Variants in THSD7B observed in about 807,000 individuals in gnomAD.
THSD7B encodes the protein thrombospondin type-1 domain-containing protein 7B.
THSD7B carries 138 observed loss-of-function variants against 213.6 expected under a neutral mutation model. The ratio of observed to expected loss-of-function variants is 0.65; its 90% CI spans 0.56 to 0.74. The LOEUF is 0.74. Among genes scored for constraint, THSD7B ranks in the 30% least tolerant of loss-of-function variants. The pLI, the probability that THSD7B is intolerant of heterozygous loss-of-function variation, is 0.00. For synonymous variants in THSD7B, 742 were observed against 687.0 expected (o/e 1.08, Z -1.25); for missense variants, 1,931 against 1,991.5 (o/e 0.97, Z 0.58).
intron 20 of THSD7B, among the ~76,000 whole-genome samples, chr2:137,628,564 G>A (rs368689166): frequency 3.2e-4 from 48 of 151,244 alleles, no homozygotes; most frequent in African/African-American, 1.0e-3. Context: ...TGTTATTTGC[G>A]TCAGTGATGT....
intron 12 of THSD7B, among the ~76,000 whole-genome samples, chr2:137,282,970 C>T (rs902716030): frequency 2.6e-5 from 4 of 152,120 alleles, no homozygotes; most frequent in Admixed American, 2.0e-4. Context: ...ATGGGGATGG[C>T]ATTGAATCTA....
intron 21 of THSD7B, 118 bp downstream of exon 21, chr2:137,642,751 T>A: frequency 8.3e-7 from 1 of 1,207,342 alleles, no homozygotes; most frequent in East Asian, 2.5e-5. Flanking sequence ...GCACAATGTA[T>A]TTTTAATGCA....
intron 7 of THSD7B, among the ~76,000 whole-genome samples, chr2:137,193,346 T>A (rs1680698399): frequency 6.6e-6 from 1 of 152,216 alleles, no homozygotes; most frequent in Non-Finnish European, 1.5e-5. Flanking sequence ...TGCAAATTGA[T>A]GTTAAATTTA....
intron 25 of THSD7B, 22 bp from the exon 26 acceptor site, chr2:137,663,361 A>G: frequency 1.3e-6 from 2 of 1,514,042 alleles, no homozygotes; most frequent in Non-Finnish European, 1.8e-6. Context: ...GTGTAACCAT[A>G]AAAATATTCT....
chr2:137,014,740 T>C lies in THSD7B; in HGVS notation c.140-41680T>C, dbSNP rs147708603. 1.2e-3 allele frequency among the ~76,000 whole-genome samples: 189 copies of C among 152,246 alleles called. 1 individual carries two copies. The highest frequency in any genetic ancestry group is 4.2e-3 in the African/African-American group (173 of 41,546). On this transcript the variant is annotated intron_variant, in intron 2 of 27. Transcript: ENST00000409968. ...TCTCAGTTTATCTGGGTTATTCAGA[T>C]TTTCCCTCCACAGTCAGACCTCCGT... is the stretch of plus-strand genomic sequence containing the variant.
chr2:136,813,822 G>A (rs1164640705), intron 1 of THSD7B, among the ~76,000 whole-genome samples: 10 of 152,144 alleles, frequency 6.6e-5, no homozygotes, highest in Admixed American at 3.9e-4. Context: ...CTCTTTTAGA[G>A]TTCATTAATT....
rs187851606 is a variant in THSD7B at position 137,503,765 on chromosome 2, G to A, written c.3138+52742G>A. ...AAGTGAGCCGGGCGCGGTAGCTCAC[G>A]CCTGTAATCCCACCACTTTGGGAGG... On this transcript the variant is annotated intron_variant, in intron 15 of 27. Transcript: ENST00000409968. Among the ~76,000 whole-genome samples, 16 of 152,184 alleles carry A rather than the reference G, an allele frequency of 1.1e-4. No individual in the cohort carries two copies. In the East Asian group the frequency reaches 2.5e-3, roughly 24 times the overall value.
At chr2:137,676,255 TATC>T (rs1264993668) in intron 27 of THSD7B, among the ~76,000 whole-genome samples, 1 of 152,202 alleles carries the variant, frequency 6.6e-6, no homozygotes, top group African/African-American at 2.4e-5. Context: ...TGTTGTTGTG[TATC>T]ATCAAGAATA....
At chr2:137,060,607 ATT>A (rs1687252743) in intron 3 of THSD7B, among the ~76,000 whole-genome samples, 1 of 151,964 alleles carries the variant, frequency 6.6e-6, no homozygotes, top group South Asian at 2.1e-4. Flanking sequence ...AGCACCATTT[ATT>A]GTAAAGAATA....
chr2:137,311,303 G>A (rs1683900363), intron 12 of THSD7B, among the ~76,000 whole-genome samples: 1 of 151,682 alleles, frequency 6.6e-6, no homozygotes, highest in Admixed American at 6.6e-5. Context: ...TTGGCTCTCT[G>A]TTTGTCTGTT....
chr2:136,844,663 G>A (rs564601466), intron 1 of THSD7B, among the ~76,000 whole-genome samples: 11 of 152,348 alleles, frequency 7.2e-5, no homozygotes, highest in South Asian at 2.1e-4. Context: ...TGAGGCAGAC[G>A]TGGAGATGGA....
chr2:136,781,715 G>A (rs970325044), intron 1 of THSD7B, among the ~76,000 whole-genome samples: 2 of 151,810 alleles, frequency 1.3e-5, no homozygotes, highest in African/African-American at 4.8e-5. Context: ...GGCCTTCTCC[G>A]CAACCACATT....
intron 1 of THSD7B, among the ~76,000 whole-genome samples, chr2:136,768,942 A>G (rs1421768771): frequency 6.6e-6 from 1 of 152,206 alleles, no homozygotes; most frequent in African/African-American, 2.4e-5. Flanking sequence ...TAAACCTGTG[A>G]AAGTAGAGGG....
intron 22 of THSD7B, 42 bp from the exon 23 acceptor site, chr2:137,656,754 T>G (rs780735803): frequency 1.3e-6 from 2 of 1,573,440 alleles, no homozygotes; most frequent in Non-Finnish European, 1.7e-6. Flanking sequence ...CAGTGCCACT[T>G]TTCATGCTGT....
chr2:137,048,690 T>C lies in THSD7B; in HGVS notation c.140-7730T>C, dbSNP rs138291159. On this transcript the variant is annotated intron_variant, in intron 2 of 27. Transcript: ENST00000409968. ...AACGTTACTGCCTTGCCTTGACCTC[T>C]AGTAGACAACATAAAAGAAAGCCTC... Among the ~76,000 whole-genome samples the C allele has an allele frequency of 4.3e-3, 657 of 152,356 alleles. 4 individuals are homozygous for C. The highest frequency in any genetic ancestry group is 7.1e-3 in the Non-Finnish European group (486 of 68,026).
At chr2:137,430,094 G>C (rs1687142629) in intron 14 of THSD7B, among the ~76,000 whole-genome samples, 1 of 151,968 alleles carries the variant, frequency 6.6e-6, no homozygotes, top group South Asian at 2.1e-4. Flanking sequence ...ATTTTAAAAA[G>C]AAGTTAGCTG....
At chr2:136,767,995 A>T (rs1439110193) in intron 1 of THSD7B, among the ~76,000 whole-genome samples, 1 of 152,236 alleles carries the variant, frequency 6.6e-6, no homozygotes, top group East Asian at 1.9e-4. Context: ...CAGGTAGAAA[A>T]TAATTACCGA....
At chr2:137,555,156 A>G (rs1680931006) in intron 15 of THSD7B, among the ~76,000 whole-genome samples, 1 of 152,192 alleles carries the variant, frequency 6.6e-6, no homozygotes, top group Admixed American at 6.5e-5. Flanking sequence ...AAACCTCTGC[A>G]GACTTAAATG....
In THSD7B at chr2:137,412,597, C is replaced by CAAAAAAAAAAAAA. The variant is rs748551585; in HGVS notation, c.2959+726_2959+738dup. Among the ~76,000 whole-genome samples, 12 of 24,100 alleles carry CAAAAAAAAAAAAA rather than the reference C, an allele frequency of 5.0e-4. 5 individuals carry two copies. Among genetic ancestry groups the CAAAAAAAAAAAAA allele is most frequent in the Non-Finnish European group, 8.9e-4 (10 of 11,264 alleles). 15.8% of individuals were successfully genotyped at this position (24,100 alleles called of 152,430 possible). A position where few individuals can be genotyped will look rare whatever the true frequency, so the allele number is the denominator to read the frequency against. On this transcript the variant is annotated intron_variant, in intron 14 of 27. Coordinates refer to ENST00000409968, the MANE Select transcript of THSD7B (RefSeq NM_001316349.2). ...GGGCAACGAGAGCAAAACTCTGTCTCAAAAAAAAAAAAACAAAAAAAAACA... is the reference window on the plus strand; with the variant it reads ...GGGCAACGAGAGCAAAACTCTGTCTCAAAAAAAAAAAAAAAAAAAAAAAAAACAAAAAAAAACA...
Sources: gnomAD v4.1 joint callset for allele counts (sites outside exome capture counted in the v4.1 genomes callset) on GRCh38, gnomAD v4.1.1 for gene constraint, MANE v1.5 for transcripts, NCBI Gene and HGNC (gene_info 2026-07-23, HGNC 2026-07-21) for gene names.